CACNA1C: variants seen among roughly 807,000 people sequenced by gnomAD.
CACNA1C encodes calcium voltage-gated channel subunit alpha1 C, also known as voltage-dependent L-type calcium channel subunit alpha-1C.
Under a neutral mutation model 229.0 loss-of-function variants are expected in CACNA1C, and 30 were observed. The observed-to-expected ratio is 0.13, with a 90% confidence interval of 0.10 to 0.18. The LOEUF (loss-of-function observed/expected upper bound fraction) is 0.18, where lower values mean the gene tolerates loss of function less well. Among genes scored for constraint, CACNA1C ranks in the 10% least tolerant of loss-of-function variants. The probability of loss-of-function intolerance (pLI) is 1.00; values close to 1 mark genes in which losing one functional copy is unlikely to be tolerated. For missense variants in CACNA1C, 1,658 were observed against 2,845.0 expected (o/e 0.58, Z 9.49); for synonymous variants, 1,114 against 1,132.5 (o/e 0.98, Z 0.33).
chr12:2,548,386 G>A (rs541688660), intron 9 of CACNA1C, among the ~76,000 whole-genome samples: 7 of 149,816 alleles, frequency 4.7e-5, no homozygotes, highest in Non-Finnish European at 8.9e-5. Flanking sequence ...AGACTGGGGC[G>A]CTCAAGATGA....
At position 2,693,710 on chromosome 12, in the gene CACNA1C, A is replaced by T. The variant is rs2097813404; in HGVS notation, c.*2511A>T. ...TAATGCTCACTTATATCTCCCTAGAACATCACTCTTTTGGTGCTGTGTCCT... is the reference window on the plus strand; with the variant it reads ...TAATGCTCACTTATATCTCCCTAGATCATCACTCTTTTGGTGCTGTGTCCT... On this transcript the variant is annotated 3_prime_UTR_variant, in exon 47 of 47. Coordinates refer to ENST00000399655, the MANE Select transcript of CACNA1C (RefSeq NM_000719.7). 6.6e-6 allele frequency: 1 copy of T among 152,220 alleles called. No individual in the cohort carries two copies. Among genetic ancestry groups the T allele is most frequent in the South Asian group, 2.1e-4 (1 of 4,834 alleles). The allele number at this position is 152,220 out of a possible 1,614,324, so 9.4% of individuals were successfully genotyped here.
At chr12:2,048,604 T>C (rs1452422371), upstream of CACNA1C, 1 of 152,336 alleles carries the variant, frequency 6.6e-6, no homozygotes, top group African/African-American at 2.4e-5. Context: ...CTGGAAACAC[T>C]GCACAGGTAA....
chr12:2,625,488 C>G (rs913307013), intron 29 of CACNA1C, among the ~76,000 whole-genome samples: 1 of 152,198 alleles, frequency 6.6e-6, no homozygotes, highest in Non-Finnish European at 1.5e-5. Context: ...CTGGGTCAGC[C>G]TGCCTTAGGG....
In CACNA1C at chr12:2,679,768, G is replaced by A. The variant is rs754402313; in HGVS notation, c.5416G>A (p.Glu1806Lys). Residue 1806 changes from glutamate (E) to lysine (K), a missense_variant, in exon 42 of 47, where the codon GAG becomes AAG. This residue lies in a region of CACNA1C where 590 missense variants were observed against 700.8 expected (regional missense o/e 0.84). Coordinates refer to ENST00000399655, the MANE Select transcript of CACNA1C (RefSeq NM_000719.7). The surrounding 1 kb of genome is among the most constrained non-coding windows in gnomAD (Gnocchi z 5.5). ...CTTGTCCCCTGCCATCCGGGTGCAGGAGGTGGCGTGGAAGCTCAGCTCCAA... is the reference window on the plus strand; with the variant it reads ...CTTGTCCCCTGCCATCCGGGTGCAGAAGGTGGCGTGGAAGCTCAGCTCCAA... ...PPLSPAIRVQEVAWKLSSNRC... is the reference protein window; with the variant it reads ...PPLSPAIRVQKVAWKLSSNRC... 6.3e-7 allele frequency: 1 copy of A among 1,580,748 alleles called. No individual in the cohort carries two copies.
intron 3 of CACNA1C, among the ~76,000 whole-genome samples, chr12:2,371,202 C>T (rs1370237547): frequency 1.3e-5 from 2 of 152,068 alleles, no homozygotes; most frequent in African/African-American, 4.8e-5. Flanking sequence ...GGTTTTAGAG[C>T]CATGTAAGGT....
At chr12:2,554,895 G>T (rs566021255) in intron 10 of CACNA1C, among the ~76,000 whole-genome samples, 1 of 152,142 alleles carries the variant, frequency 6.6e-6, no homozygotes, top group African/African-American at 2.4e-5. Context: ...GCCATTTGGC[G>T]GTTGCTTGTC....
chr12:2,045,017 G>C (rs1295970422), intron 1 of CACNA1C, among the ~76,000 whole-genome samples: 1 of 152,186 alleles, frequency 6.6e-6, no homozygotes, highest in Admixed American at 6.5e-5. Context: ...AGAAGAACCA[G>C]GGGTCAGAGA....
chr12:2,563,582 A>T (rs1399818031), intron 11 of CACNA1C, among the ~76,000 whole-genome samples: 1 of 152,234 alleles, frequency 6.6e-6, no homozygotes, highest in Non-Finnish European at 1.5e-5. Context: ...CTGAAGAAAG[A>T]GTACCCTTCT....
intron 46 of CACNA1C, among the ~76,000 whole-genome samples, chr12:2,690,411 C>T (rs2097758708): frequency 6.6e-6 from 1 of 152,206 alleles, no homozygotes; most frequent in Non-Finnish European, 1.5e-5. Context: ...CTCAGTGCAG[C>T]CTGGCGCTGC....
intron 29 of CACNA1C, among the ~76,000 whole-genome samples, chr12:2,623,256 C>T (rs1340184506): frequency 6.6e-6 from 1 of 152,130 alleles, no homozygotes; most frequent in Non-Finnish European, 1.5e-5. Context: ...GGCATTCTCC[C>T]TCCCATCCCT....
intron 9 of CACNA1C, among the ~76,000 whole-genome samples, chr12:2,545,858 A>G (rs1041969281): frequency 6.6e-6 from 1 of 152,264 alleles, no homozygotes; most frequent in Non-Finnish European, 1.5e-5. Context: ...GAAATGGGAA[A>G]ACTCTATCTG....
At chr12:2,216,370 A>C (rs972412643) in intron 3 of CACNA1C, among the ~76,000 whole-genome samples, 1 of 152,216 alleles carries the variant, frequency 6.6e-6, no homozygotes, top group Non-Finnish European at 1.5e-5. Context: ...CATTCCTTCC[A>C]AGAAAGAAGC....
chr12:2,165,731 GTGTGTGTGTGTA>G (rs2096184287), intron 3 of CACNA1C, among the ~76,000 whole-genome samples: 1 of 151,826 alleles, frequency 6.6e-6, no homozygotes. Context: ...GTCCATATGT[GTGTGTGTGTGTA>G]TGTGTGTGTA....
At chr12:2,222,801 C>T (rs1309633221) in intron 3 of CACNA1C, among the ~76,000 whole-genome samples, 1 of 152,188 alleles carries the variant, frequency 6.6e-6, no homozygotes, top group Non-Finnish European at 1.5e-5. Flanking sequence ...CACTGGAAAA[C>T]TGTAAGTGAA....
chr12:2,011,291 G>C (rs911960217), intron 1 of CACNA1C: 2 of 152,164 alleles, frequency 1.3e-5, no homozygotes, highest in Non-Finnish European at 2.9e-5. Flanking sequence ...AGGCAGCTCT[G>C]TGTCACATTA....
chr12:2,450,516 T>TACC (rs1347250976), intron 4 of CACNA1C, among the ~76,000 whole-genome samples: 6 of 117,320 alleles, frequency 5.1e-5, no homozygotes, highest in African/African-American at 1.8e-4. Context: ...ATCATGCCAC[T>TACC]GCACTCCAGC....
At chr12:1,982,667 C>T (rs1006761589) in intron 1 of CACNA1C, among the ~76,000 whole-genome samples, 1 of 152,068 alleles carries the variant, frequency 6.6e-6, no homozygotes, top group Non-Finnish European at 1.5e-5. Context: ...GTGAATAATG[C>T]TACTATAAAC....
At position 2,237,274 on chromosome 12, in the gene CACNA1C, A is replaced by G. The variant is rs547330242; in HGVS notation, c.477+116844A>G. 4.6e-5 allele frequency among the ~76,000 whole-genome samples: 7 copies of G among 152,362 alleles called. 1 individual carries two copies. In the East Asian group the frequency reaches 1.3e-3, roughly 29 times the overall value. ...TTATCTCTTCTCTTTCTGCCTCTGC[A>G]CACAGCAGCCTCCATTGCCTAGGGT... On this transcript the variant is annotated intron_variant, in intron 3 of 46. Transcript: ENST00000399655.
intron 10 of CACNA1C, among the ~76,000 whole-genome samples, chr12:2,552,742 G>T (rs1337108488): frequency 6.6e-6 from 1 of 152,190 alleles, no homozygotes; most frequent in African/African-American, 2.4e-5. Context: ...GGGTTGCAGG[G>T]CACTGGTCTT....
Sources: gnomAD v4.1 joint callset for allele counts (sites outside exome capture counted in the v4.1 genomes callset) on GRCh38, gnomAD v4.1.1 for gene constraint, gnomAD v4.1.1 regional missense constraint, Gnocchi (gnomAD v3.1) non-coding constraint, MANE v1.5 for transcripts, NCBI Gene and HGNC (gene_info 2026-07-23, HGNC 2026-07-21) for gene names.